The following RHCG variants were observed in gnomAD, a reference collection of about 807,000 sequenced individuals.
RHCG encodes ammonium transporter Rh type C.
A neutral mutation model predicts 55.3 loss-of-function variants in RHCG; 39 were observed. The ratio of observed to expected loss-of-function variants is 0.70; its 90% CI spans 0.55 to 0.92. The LOEUF (loss-of-function observed/expected upper bound fraction) is 0.92. Ranked by LOEUF, RHCG falls within the 40% of genes least tolerant of loss-of-function variation. RHCG has a pLI of 0.00. For synonymous variants in RHCG, 250 were observed against 246.8 expected, an observed-to-expected ratio of 1.01 and a Z score of -0.12; for missense variants, 635 against 627.9, an observed-to-expected ratio of 1.01 and a Z score of -0.12.
intron 1 of RHCG, among the ~76,000 whole-genome samples, chr15:89,493,189 C>T (rs1047086714): frequency 5.9e-5 from 9 of 152,200 alleles, no homozygotes; most frequent in East Asian, 1.9e-4. Context: ...GGTCATCTCC[C>T]GAAATGTGTC....
Position 89,483,319 on chromosome 15 carries a change from C to T in RHCG, c.372-102G>A, listed in dbSNP as rs552255384. The T allele has an allele frequency of 1.9e-4, 204 of 1,096,266 alleles. 1 individual carries two copies. Among genetic ancestry groups the T allele is most frequent in the Non-Finnish European group, 1.1e-5 (9 of 796,794 alleles). The allele number at this position is 1,096,266 out of a possible 1,614,324, so 67.9% of individuals were successfully genotyped here. ...TATGGATTTGGGCTTGTGGCTTAAC[C>T]TTTCTGAGCTTCAGTTTCATCATCT... is the stretch of plus-strand genomic sequence containing the variant. On this transcript the variant is annotated intron_variant, in intron 2 of 10. Coordinates refer to ENST00000268122, the MANE Select transcript of RHCG (RefSeq NM_016321.3).
chr15:89,481,408 C>T (rs1249052292), intron 3 of RHCG, among the ~76,000 whole-genome samples: 1 of 151,782 alleles, frequency 6.6e-6, no homozygotes, highest in Non-Finnish European at 1.5e-5. Context: ...TGAGATCATG[C>T]CACTGCACTC....
chr15:89,487,206 G>T (rs1226941677), intron 1 of RHCG, among the ~76,000 whole-genome samples: 1 of 152,162 alleles, frequency 6.6e-6, no homozygotes, highest in Non-Finnish European at 1.5e-5. Context: ...TCCTTCATAA[G>T]GGCCTCTCTA....
Position 89,483,193 on chromosome 15 carries a change from C to G in RHCG, c.396G>C (p.Val132=), listed in dbSNP as rs773954758. 1 of 1,582,760 alleles carries G rather than the reference C, an allele frequency of 6.3e-7. No individual in the cohort carries two copies. Among genetic ancestry groups the G allele is most frequent in the South Asian group, 1.1e-5 (1 of 89,422 alleles). ...CCCCAAAGGCCACGCAGACAGAGGC[C>G]ACGCAGAAGTCAGCGTTGATGAGGC... The part of the protein sequence containing the change: ...VENLINADFC[V]ASVCVAFGAV... The change falls in exon 3 of 11, where the codon GTG becomes GTC. Residue 132 remains valine, a synonymous_variant. Transcript: ENST00000268122.
At position 89,477,506 on chromosome 15, in the gene RHCG, TCCA is replaced by T; in HGVS notation, c.1112+8_1112+10del. The T allele has an allele frequency of 2.0e-5, 33 of 1,613,774 alleles. No homozygotes were observed. Among genetic ancestry groups the T allele is most frequent in the Non-Finnish European group, 2.7e-5 (32 of 1,179,854 alleles). ...GGAAGCTCCATCCCACCGCACCTCCTCCACATTTACCCTTCTTTTCCATAGACT... is the reference window on the plus strand; with the variant it reads ...GGAAGCTCCATCCCACCGCACCTCCTCATTTACCCTTCTTTTCCATAGACT... On this transcript the variant is annotated splice_region_variant and intron_variant, in intron 7 of 10. Coordinates refer to ENST00000268122, the MANE Select transcript of RHCG (RefSeq NM_016321.3). The surrounding 1 kb of genome is among the most constrained non-coding windows in gnomAD (Gnocchi z 4.5).
chr15:89,493,045 G>A (rs1339774516), intron 1 of RHCG, among the ~76,000 whole-genome samples: 1 of 152,220 alleles, frequency 6.6e-6, no homozygotes, highest in Non-Finnish European at 1.5e-5. Context: ...TGATGCACCC[G>A]AATGGGATCT....
At chr15:89,474,156 T>G (rs1463217392) in intron 9 of RHCG, among the ~76,000 whole-genome samples, 2 of 152,162 alleles carry the variant, frequency 1.3e-5, no homozygotes, top group Non-Finnish European at 2.9e-5. Context: ...GAAAAATCTA[T>G]GCAGAGAAAA....
At chr15:89,489,545 C>T (rs759890324) in intron 1 of RHCG, among the ~76,000 whole-genome samples, 2 of 152,166 alleles carry the variant, frequency 1.3e-5, no homozygotes, top group Middle Eastern at 3.2e-3. Flanking sequence ...GTCCCAGCCC[C>T]GCCCACCTGT....
rs768134020 is a variant in RHCG, at chr15:89,476,826, G to A, written c.1240C>T (p.Leu414Phe). 1.9e-6 allele frequency: 3 copies of A among 1,613,524 alleles called. No individual in the cohort carries two copies. Among genetic ancestry groups the A allele is most frequent in the Non-Finnish European group, 2.5e-6 (3 of 1,179,466 alleles). ...CCCCAGAATGGTAATCTCAAAATGA[G>A]CCCTACAGAAAGTTGGAGATTACAG... ...MALMGGIIVG[L>F]ILRLPFWGQP... The change falls in exon 9 of 11, where the codon CTC becomes TTC. Residue 414 changes from leucine to phenylalanine, a missense_variant and splice_region_variant. Transcript: ENST00000268122.
chr15:89,493,710 C>T (rs1437621809), intron 1 of RHCG, among the ~76,000 whole-genome samples: 3 of 152,094 alleles, frequency 2.0e-5, no homozygotes, highest in Non-Finnish European at 2.9e-5. Flanking sequence ...GTGAGTGGAG[C>T]GGGGGAAAGG....
chr15:89,482,595 G>A (rs1391691052), intron 3 of RHCG, among the ~76,000 whole-genome samples: 1 of 152,142 alleles, frequency 6.6e-6, no homozygotes, highest in Non-Finnish European at 1.5e-5. Flanking sequence ...TGACCTCCCC[G>A]AGGGAGCAGC....
chr15:89,485,837 C>T (rs1961348516), intron 2 of RHCG, among the ~76,000 whole-genome samples: 1 of 152,192 alleles, frequency 6.6e-6, no homozygotes, highest in Non-Finnish European at 1.5e-5. Flanking sequence ...ACCAGAGCAA[C>T]ACAAATTGCT....
chr15:89,477,238 C>G lies in RHCG; in HGVS notation c.1113-32G>C. ...TGGAGACAGGGGGCAGGTCAGGGCC[C>G]CATGGAGAGGCCAAGTAACAGCTTG... On this transcript the variant is annotated intron_variant, in intron 7 of 10. Transcript: ENST00000268122. The surrounding 1 kb of genome is among the most constrained non-coding windows in gnomAD (Gnocchi z 4.5). The G allele has an allele frequency of 6.2e-6, 10 of 1,611,704 alleles. No individual in the cohort carries two copies. Among genetic ancestry groups the G allele is most frequent in the Non-Finnish European group, 8.5e-6 (10 of 1,178,592 alleles).
chr15:89,488,271 T>C (rs1467285151), intron 1 of RHCG, among the ~76,000 whole-genome samples: 2 of 145,620 alleles, frequency 1.4e-5, no homozygotes, highest in East Asian at 2.0e-4. Context: ...TTGCCTACAG[T>C]AGAATGCTGA....
rs972713991 is a variant in RHCG at position 89,494,985 on chromosome 15, C to T, written c.184+1376G>A. 2.6e-5 allele frequency among the ~76,000 whole-genome samples: 4 copies of T among 152,030 alleles called. No individual in the cohort carries two copies. The East Asian group carries it at 7.7e-4, about 29-fold the overall frequency. On this transcript the variant is annotated intron_variant, in intron 1 of 10. Transcript: ENST00000268122. The stretch of plus-strand genomic sequence containing the variant: ...CTGCCTCACTGTTTGCTGGAAAGTC[C>T]CCCCCTTGAGGAGAGGAAAGGTGGA...
intron 1 of RHCG, among the ~76,000 whole-genome samples, chr15:89,493,100 G>A (rs543855946): frequency 4.6e-5 from 7 of 152,296 alleles, no homozygotes; most frequent in Non-Finnish European, 1.0e-4. Context: ...GGGTAAGCTC[G>A]TCCTTTATCA....
chr15:89,489,938 G>C (rs1004968318), intron 1 of RHCG, among the ~76,000 whole-genome samples: 2 of 152,236 alleles, frequency 1.3e-5, no homozygotes, highest in African/African-American at 4.8e-5. Context: ...CAAGAAGGCA[G>C]AGCCATGCCT....
chr15:89,496,361 T>C lies in RHCG; in HGVS notation c.184A>G (p.Ser62Gly), dbSNP rs1270268304. Residue 62 changes from serine to glycine, a missense_variant and splice_region_variant, in exon 1 of 11, where the codon AGC becomes GGC. Transcript: ENST00000268122. ...TGGGCCTGCAGGCGGCGAGACTTAC[T>C]TGGGTAGCGATAGTAGAATTCGTTC... is the stretch of plus-strand genomic sequence containing the variant. ...MENEFYYRYPSFQDVHVMVFV... is the reference protein window; with the variant it reads ...MENEFYYRYPGFQDVHVMVFV... 5 of 1,613,780 alleles carry C rather than the reference T, an allele frequency of 3.1e-6. No homozygotes were observed. The highest frequency in any genetic ancestry group is 4.2e-6 in the Non-Finnish European group (5 of 1,179,882).
intron 9 of RHCG, among the ~76,000 whole-genome samples, chr15:89,474,653 C>G (rs1334495221): frequency 6.6e-6 from 1 of 152,268 alleles, no homozygotes; most frequent in Non-Finnish European, 1.5e-5. Flanking sequence ...ATATCTAGAA[C>G]AATGTTCCTC....
Sources: gnomAD v4.1 joint callset for allele counts (sites outside exome capture counted in the v4.1 genomes callset) on GRCh38, gnomAD v4.1.1 for gene constraint, Gnocchi (gnomAD v3.1) non-coding constraint, MANE v1.5 for transcripts, NCBI Gene and HGNC (gene_info 2026-07-23, HGNC 2026-07-21) for gene names.